Variants in DTNA observed in about 807,000 individuals in gnomAD.
DTNA encodes the protein dystrophin-related protein 3.
DTNA carries 43 observed loss-of-function variants against 100.7 expected under a neutral mutation model. The ratio of observed to expected loss-of-function variants is 0.43; its 90% confidence interval spans 0.33 to 0.55. The LOEUF (loss-of-function observed/expected upper bound fraction) is 0.55, where lower values mean the gene tolerates loss of function less well. Among genes scored for constraint, DTNA ranks in the 20% least tolerant of loss-of-function variants. DTNA has a pLI of 0.04. For synonymous variants in DTNA, 349 were observed against 347.9 expected (o/e 1.00, Z -0.04); for missense variants, 798 against 953.9 (o/e 0.84, Z 2.15).
intron 1 of DTNA, among the ~76,000 whole-genome samples, chr18:34,719,371 A>G (rs1397848468): frequency 6.6e-6 from 1 of 151,946 alleles, no homozygotes; most frequent in Non-Finnish European, 1.5e-5. Context: ...AAAAATAAGT[A>G]GTTATTATCT....
At chr18:34,881,163 A>T (rs542160402) in intron 20 of DTNA, among the ~76,000 whole-genome samples, 8 of 152,340 alleles carry the variant, frequency 5.3e-5, no homozygotes, top group African/African-American at 1.9e-4. Context: ...GCTATAAATA[A>T]ACGCAAACAA....
chr18:34,510,969 G>A (rs1036007644), intron 1 of DTNA, among the ~76,000 whole-genome samples: 3 of 151,986 alleles, frequency 2.0e-5, no homozygotes, highest in Admixed American at 6.6e-5. Flanking sequence ...ATGGAGATTG[G>A]TATTGACAGA....
At chr18:34,727,954 G>T (rs1028331003) in intron 1 of DTNA, among the ~76,000 whole-genome samples, 1 of 152,078 alleles carries the variant, frequency 6.6e-6, no homozygotes, top group Non-Finnish European at 1.5e-5. Flanking sequence ...TAAGAGGGAG[G>T]GGGGGAAAAG....
intron 1 of DTNA, among the ~76,000 whole-genome samples, chr18:34,621,711 A>G (rs1421638769): frequency 6.6e-6 from 1 of 152,200 alleles, no homozygotes; most frequent in African/African-American, 2.4e-5. Flanking sequence ...GATACATTTC[A>G]CTTAGAAAGG....
At chr18:34,617,768 A>G (rs2147768050) in intron 1 of DTNA, among the ~76,000 whole-genome samples, 1 of 152,230 alleles carries the variant, frequency 6.6e-6, no homozygotes, top group East Asian at 1.9e-4. Flanking sequence ...TAAGGTATCT[A>G]CATTATTTTT....
chr18:34,857,800 A>G (rs1391807897), intron 15 of DTNA, among the ~76,000 whole-genome samples: 4 of 152,146 alleles, frequency 2.6e-5, no homozygotes, highest in African/African-American at 9.7e-5. Flanking sequence ...GAATGAGGTT[A>G]CTTAGTTTTG....
intron 1 of DTNA, among the ~76,000 whole-genome samples, chr18:34,556,109 C>T (rs1181372040): frequency 6.6e-6 from 1 of 151,296 alleles, no homozygotes; most frequent in East Asian, 1.9e-4. Context: ...GAATTGATCC[C>T]TTTACCATTA....
chr18:34,800,290 G>A (rs951383022), intron 4 of DTNA, among the ~76,000 whole-genome samples: 1 of 152,176 alleles, frequency 6.6e-6, no homozygotes, highest in African/African-American at 2.4e-5. Context: ...AATGAGATGA[G>A]ATACCCTTGG....
chr18:34,689,396 G>A (rs2079400625), intron 1 of DTNA, among the ~76,000 whole-genome samples: 1 of 152,038 alleles, frequency 6.6e-6, no homozygotes, highest in Admixed American at 6.6e-5. Flanking sequence ...CTAATAGTCA[G>A]GCCCCTCTGC....
intron 1 of DTNA, among the ~76,000 whole-genome samples, chr18:34,510,113 T>TTG (rs1229810515): frequency 1.4e-5 from 2 of 140,706 alleles, no homozygotes; most frequent in Middle Eastern, 3.5e-3. Context: ...GTTGTTGTTG[T>TTG]TTTTTTTTTT....
intron 1 of DTNA, among the ~76,000 whole-genome samples, chr18:34,569,049 T>C (rs2146373707): frequency 6.6e-6 from 1 of 152,294 alleles, no homozygotes; most frequent in Admixed American, 6.5e-5. Context: ...CTTTGACCCT[T>C]AACAGGAGGC....
At chr18:34,661,719 C>T (rs138737601) in intron 1 of DTNA, among the ~76,000 whole-genome samples, 1,682 of 152,182 alleles carry the variant, frequency 0.011, 18 homozygotes, top group African/African-American at 0.038. Context: ...CCACTGTTCC[C>T]ACCCTCTTTG....
intron 1 of DTNA, among the ~76,000 whole-genome samples, chr18:34,547,311 A>G (rs1260370676): frequency 1.3e-5 from 2 of 152,120 alleles, no homozygotes; most frequent in African/African-American, 4.8e-5. Flanking sequence ...TCTTTATGCC[A>G]GGGAGCCTCA....
chr18:34,821,430 C>A (rs767207026), intron 9 of DTNA: 5 of 450,792 alleles, frequency 1.1e-5, no homozygotes, highest in Middle Eastern at 6.6e-4. Context: ...GGGGGAGTGG[C>A]GGGAAAATTT....
At chr18:34,695,446 G>A (rs1174997140) in intron 1 of DTNA, among the ~76,000 whole-genome samples, 2 of 152,122 alleles carry the variant, frequency 1.3e-5, no homozygotes, top group Non-Finnish European at 2.9e-5. Flanking sequence ...CCTGGGGCTC[G>A]TGTGTAACAT....
chr18:34,742,415 A>T lies in DTNA; in HGVS notation c.-1-13561A>T, dbSNP rs192531445. Among the ~76,000 whole-genome samples, 322 of 152,056 alleles carry T rather than the reference A, an allele frequency of 2.1e-3. 2 individuals carry two copies. Among genetic ancestry groups the T allele is most frequent in the African/African-American group, 7.2e-3 (298 of 41,494 alleles). On this transcript the variant is annotated intron_variant, in intron 1 of 22. Coordinates refer to ENST00000444659, the MANE Select transcript of DTNA (RefSeq NM_001386795.1). ...GCCACTGCTAGCTTCTGGAGGCCAC[A>T]TGCATTTCTCGGTTTGTGGGTCCTG...
chr18:34,601,854 G>A (rs541094544), intron 1 of DTNA, among the ~76,000 whole-genome samples: 2 of 152,288 alleles, frequency 1.3e-5, no homozygotes, highest in African/African-American at 4.8e-5. Context: ...AACAGTTTTG[G>A]GAAGTGTAAG....
intron 1 of DTNA, among the ~76,000 whole-genome samples, chr18:34,633,626 G>C (rs79112520): frequency 0.017 from 2,545 of 152,058 alleles, 57 homozygotes; most frequent in African/African-American, 0.05. Flanking sequence ...ACACTCAAAG[G>C]GTTCCTCTCA....
chr18:34,667,390 C>T (rs1295393115), intron 1 of DTNA, among the ~76,000 whole-genome samples: 1 of 152,194 alleles, frequency 6.6e-6, no homozygotes, highest in East Asian at 1.9e-4. Flanking sequence ...TTGACTTCCT[C>T]TTTTCCTAAT....
Sources: allele counts gnomAD v4.1 joint callset (sites outside exome capture counted in the v4.1 genomes callset), GRCh38; gene constraint gnomAD v4.1.1; transcripts MANE v1.5; gene names NCBI Gene and HGNC (gene_info 2026-07-23, HGNC 2026-07-21).